The following SNX29 variants were observed in gnomAD, a reference collection of about 807,000 sequenced individuals.
SNX29 encodes the protein sorting nexin 29.
In SNX29, 78 loss-of-function variants were observed where a neutral mutation model predicts 102.1. That is an observed-to-expected ratio of 0.76 (90% CI 0.64 to 0.92). The LOEUF is 0.92. SNX29 is among the 40% of genes least tolerant of loss of function. The pLI is 0.00. For missense variants in SNX29, 1,280 were observed against 1,061.7 expected, an observed-to-expected ratio of 1.21 and a Z score of -2.86; for synonymous variants, 580 against 414.5, an observed-to-expected ratio of 1.40 and a Z score of -4.85.
At chr16:12,529,810 C>T (rs773829017) in intron 20 of SNX29, among the ~76,000 whole-genome samples, 5 of 152,214 alleles carry the variant, frequency 3.3e-5, no homozygotes, top group Non-Finnish European at 5.9e-5. Context: ...GACCTGTGCA[C>T]TGCCAGGGGT....
rs563141802 is a variant in SNX29 at position 12,068,953 on chromosome 16, C to T, written c.1244-104C>T. 10 of 1,073,250 alleles carry T rather than the reference C, an allele frequency of 9.3e-6. No individual in the cohort carries two copies. In the African/African-American group the frequency reaches 1.4e-4, roughly 15 times the overall value. The allele number at this position is 1,073,250 out of a possible 1,614,324, so 66.5% of individuals were successfully genotyped here. A position where few individuals can be genotyped will look rare whatever the true frequency, so the allele number is the denominator to read the frequency against. Reference sequence around the variant, plus strand: ...GAGAGATGGAGAAAAATTTCTTAGTCAAGTGATGTAGCAGATGAGCCAATG... The same window carrying T: ...GAGAGATGGAGAAAAATTTCTTAGTTAAGTGATGTAGCAGATGAGCCAATG... On this transcript the variant is annotated intron_variant, in intron 9 of 20. Transcript: ENST00000566228.
At chr16:12,041,999 A>G (rs2049898522) in intron 4 of SNX29, among the ~76,000 whole-genome samples, 1 of 152,060 alleles carries the variant, frequency 6.6e-6, no homozygotes, top group Admixed American at 6.6e-5. Flanking sequence ...TTTATTTTTG[A>G]TATACTCTTC....
rs1162584240 is a variant in SNX29 at position 12,320,949 on chromosome 16, A to G, written c.1783-35214A>G. On this transcript the variant is annotated intron_variant, in intron 15 of 20. Transcript: ENST00000566228. ...TTGATAAACAAGAACAGAAAAAAGC[A>G]ACACGTTTGTTTTTCGTTATCTGTC... Among the ~76,000 whole-genome samples the G allele has an allele frequency of 2.0e-5, 3 of 152,228 alleles. No homozygotes were observed. The East Asian group carries it at 5.8e-4, about 29-fold the overall frequency.
chr16:12,034,614 G>A (rs1436624107), intron 4 of SNX29, among the ~76,000 whole-genome samples: 1 of 152,166 alleles, frequency 6.6e-6, no homozygotes, highest in Non-Finnish European at 1.5e-5. Context: ...TGGGCCAGTG[G>A]CTATTTACTA....
chr16:12,297,795 C>G (rs1452842084), intron 15 of SNX29, among the ~76,000 whole-genome samples: 2 of 152,158 alleles, frequency 1.3e-5, no homozygotes, highest in Non-Finnish European at 2.9e-5. Flanking sequence ...ACGTCTGGCT[C>G]CACCTGTCTC....
At chr16:12,292,083 G>C (rs1474558896) in intron 15 of SNX29, among the ~76,000 whole-genome samples, 1 of 152,220 alleles carries the variant, frequency 6.6e-6, no homozygotes, top group Admixed American at 6.5e-5. Flanking sequence ...GGGTGTATTA[G>C]ACAAGATAGT....
chr16:12,468,623 C>T (rs1364866760), intron 18 of SNX29, among the ~76,000 whole-genome samples: 3 of 152,202 alleles, frequency 2.0e-5, no homozygotes, highest in Non-Finnish European at 4.4e-5. Context: ...ATCAGGTCAG[C>T]TGAGGTCCCC....
Position 12,438,029 on chromosome 16 carries a change from G to C in SNX29, c.2037+34500G>C, listed in dbSNP as rs138695797. On this transcript the variant is annotated intron_variant, in intron 18 of 20. Coordinates refer to ENST00000566228, the MANE Select transcript of SNX29 (RefSeq NM_032167.5). ...CTTGGACTTGGACTTGGGAGCACAC[G>C]TCCACTCTTGGCCAGGGGCTGCTGG... 1.7e-3 allele frequency among the ~76,000 whole-genome samples: 263 copies of C among 152,250 alleles called. 1 individual carries two copies. The highest frequency in any genetic ancestry group is 6.3e-3 in the African/African-American group (260 of 41,540).
At chr16:12,447,095 A>G (rs1485161145) in intron 18 of SNX29, among the ~76,000 whole-genome samples, 1 of 121,926 alleles carries the variant, frequency 8.2e-6, no homozygotes, top group East Asian at 2.9e-4. Context: ...TGAAGTTGGG[A>G]GGTGGAGGTT....
chr16:12,561,990 A>T (rs936760303), intron 20 of SNX29, among the ~76,000 whole-genome samples: 1 of 152,246 alleles, frequency 6.6e-6, no homozygotes, highest in East Asian at 1.9e-4. Flanking sequence ...CAGCTTGGTG[A>T]CAATGGACCC....
At chr16:12,439,574 A>G (rs1237075442) in intron 18 of SNX29, among the ~76,000 whole-genome samples, 2 of 152,220 alleles carry the variant, frequency 1.3e-5, no homozygotes, top group Non-Finnish European at 1.5e-5. Flanking sequence ...TCATAAAAGC[A>G]TCAGATCTCG....
At chr16:12,321,534 TTGAG>T (rs2080930178) in intron 15 of SNX29, among the ~76,000 whole-genome samples, 2 of 152,070 alleles carry the variant, frequency 1.3e-5, no homozygotes, top group Non-Finnish European at 2.9e-5. Flanking sequence ...TGCAGAGCCT[TTGAG>T]AGAGCGGGGG....
intron 19 of SNX29, among the ~76,000 whole-genome samples, chr16:12,498,663 C>T (rs2088951343): frequency 6.6e-6 from 1 of 152,148 alleles, no homozygotes; most frequent in Admixed American, 6.5e-5. Context: ...CACACATAAG[C>T]AAACATGTAG....
At chr16:12,396,013 T>G (rs1450422407) in intron 16 of SNX29, among the ~76,000 whole-genome samples, 1 of 152,312 alleles carries the variant, frequency 6.6e-6, no homozygotes, top group South Asian at 2.1e-4. Flanking sequence ...CGAAGCAGCC[T>G]CCCTGGTACT....
intron 1 of SNX29, among the ~76,000 whole-genome samples, chr16:11,995,785 G>C (rs983936063): frequency 2.0e-5 from 3 of 152,144 alleles, no homozygotes; most frequent in African/African-American, 7.2e-5. Context: ...GAGTTGGCAG[G>C]GCACGGTGGC....
intron 18 of SNX29, among the ~76,000 whole-genome samples, chr16:12,420,476 C>T (rs981254616): frequency 6.6e-6 from 1 of 152,096 alleles, no homozygotes; most frequent in African/African-American, 2.4e-5. Context: ...CTGGAGGAAT[C>T]AAACCTCTGC....
chr16:12,311,237 C>T (rs1194019657), intron 15 of SNX29, among the ~76,000 whole-genome samples: 1 of 152,138 alleles, frequency 6.6e-6, no homozygotes, highest in Non-Finnish European at 1.5e-5. Flanking sequence ...TCTTTCTAAC[C>T]TTTCAGTGCC....
At chr16:12,184,894 A>G (rs2076474875) in intron 13 of SNX29, among the ~76,000 whole-genome samples, 1 of 152,138 alleles carries the variant, frequency 6.6e-6, no homozygotes, top group Non-Finnish European at 1.5e-5. Flanking sequence ...TGTCAAGGGG[A>G]AAATCATTGT....
intron 14 of SNX29, among the ~76,000 whole-genome samples, chr16:12,200,640 G>A (rs962611926): frequency 3.9e-5 from 6 of 152,002 alleles, no homozygotes; most frequent in Non-Finnish European, 7.4e-5. Flanking sequence ...CTGCCACCAT[G>A]CCCAGCTAAT....
Sources: gnomAD v4.1 joint callset for allele counts (sites outside exome capture counted in the v4.1 genomes callset) on GRCh38, gnomAD v4.1.1 for gene constraint, MANE v1.5 for transcripts, NCBI Gene and HGNC (gene_info 2026-07-23, HGNC 2026-07-21) for gene names.